ANXA7: variants seen among roughly 807,000 people sequenced by gnomAD.
ANXA7 encodes annexin A7.
A neutral mutation model predicts 64.9 loss-of-function variants in ANXA7; 55 were observed. The observed-to-expected ratio is 0.85, with a 90% CI of 0.68 to 1.06. The LOEUF (loss-of-function observed/expected upper bound fraction) is 1.06, where lower values mean the gene tolerates loss of function less well. Among genes scored for constraint, ANXA7 ranks in the 50% least tolerant of loss-of-function variants. ANXA7 has a pLI of 0.00. For synonymous variants in ANXA7, 200 were observed against 192.4 expected (o/e 1.04, Z -0.33); for missense variants, 548 against 582.1 (o/e 0.94, Z 0.60).
At chr10:73,413,309 GGCC>G (rs1299850750) in intron 1 of ANXA7, among the ~76,000 whole-genome samples, 2 of 152,156 alleles carry the variant, frequency 1.3e-5, no homozygotes, top group Non-Finnish European at 2.9e-5. Flanking sequence ...CAGATTAGCT[GGCC>G]ATCAGCTGGC....
At chr10:73,405,240 C>CA (rs796132395) in intron 1 of ANXA7, among the ~76,000 whole-genome samples, 838 of 71,542 alleles carry the variant, frequency 0.012, 4 homozygotes, top group African/African-American at 0.026. Flanking sequence ...AATACTGTCT[C>CA]AAAAAAAAAA....
chr10:73,383,219 C>A lies in ANXA7; in HGVS notation c.874G>T (p.Asp292Tyr), dbSNP rs2055303146. 1 of 1,613,958 alleles carries A rather than the reference C, an allele frequency of 6.2e-7. No homozygotes were observed. Among genetic ancestry groups the A allele is most frequent in the African/African-American group, 1.3e-5 (1 of 74,932 alleles). ...GRDLEKDIRSDTSGHFERLLV... is the reference protein window; with the variant it reads ...GRDLEKDIRSYTSGHFERLLV... ...AAACGTTCAAAATGTCCTGATGTAT[C>A]TGACCTAATGTCCTTTTCAAGGTCT... is the stretch of plus-strand genomic sequence containing the variant. The change falls in exon 9 of 13, where the codon GAT becomes TAT. Residue 292 changes from aspartate to tyrosine, a missense_variant. Asp to Tyr is a radical substitution (Grantham distance 160). Coordinates refer to ENST00000372921, the MANE Select transcript of ANXA7 (RefSeq NM_001156.5).
intron 5 of ANXA7, among the ~76,000 whole-genome samples, chr10:73,393,873 C>T (rs2055526446): frequency 1.3e-5 from 2 of 152,182 alleles, no homozygotes; most frequent in South Asian, 4.1e-4. Flanking sequence ...TCTAATTAAA[C>T]CAAAGAGCTT....
intron 5 of ANXA7, chr10:73,395,974 C>G (rs574638555): frequency 5.3e-6 from 5 of 950,086 alleles, no homozygotes; most frequent in Admixed American, 3.6e-5. Flanking sequence ...GAGACAAGTA[C>G]ATGAGAATCA....
chr10:73,400,654 C>T (rs1013928528), intron 2 of ANXA7, 149 bp downstream of exon 2: 1 of 492,124 alleles, frequency 2.0e-6, no homozygotes, highest in East Asian at 3.8e-5. Flanking sequence ...CTCTAGTCCC[C>T]CACACAATTG....
chr10:73,395,570 G>T (rs1015437099), intron 5 of ANXA7, among the ~76,000 whole-genome samples: 1 of 152,110 alleles, frequency 6.6e-6, no homozygotes, highest in Non-Finnish European at 1.5e-5. Context: ...GATCACCTGA[G>T]GTCAAGAGTT....
At chr10:73,379,525 A>G (rs112693690) in intron 11 of ANXA7, among the ~76,000 whole-genome samples, 441 of 152,292 alleles carry the variant, frequency 2.9e-3, no homozygotes, top group African/African-American at 9.5e-3. Flanking sequence ...TCGTGGTGAC[A>G]CTGTGAGTTC....
chr10:73,402,356 T>C (rs2055679986), intron 1 of ANXA7, among the ~76,000 whole-genome samples: 1 of 142,638 alleles, frequency 7.0e-6, no homozygotes, highest in Admixed American at 7.0e-5. Flanking sequence ...CGTACCACCA[T>C]GCCTGGTGAA....
Position 73,396,019 on chromosome 10 carries a change from G to A in ANXA7, c.435+500C>T, listed in dbSNP as rs762118234. ...GCACATATAAAGGACCTAGTGATTA[G>A]TAAACATTAGAAAACCTTACTCACT... On this transcript the variant is annotated intron_variant, in intron 5 of 12. Coordinates refer to ENST00000372921, the MANE Select transcript of ANXA7 (RefSeq NM_001156.5). 6.2e-6 allele frequency: 9 copies of A among 1,453,904 alleles called. No individual in the cohort carries two copies. The South Asian group carries it at 9.2e-5, about 15-fold the overall frequency. The allele number at this position is 1,453,904 out of a possible 1,614,324, so 90.1% of individuals were successfully genotyped here.
intron 5 of ANXA7, among the ~76,000 whole-genome samples, chr10:73,393,173 T>C (rs1219300263): frequency 1.4e-4 from 21 of 152,084 alleles, no homozygotes; most frequent in Non-Finnish European, 1.0e-4. Context: ...TCAAGGAGAA[T>C]TACAAACCAC....
At chr10:73,393,820 C>T (rs1456979040) in intron 5 of ANXA7, among the ~76,000 whole-genome samples, 1 of 152,168 alleles carries the variant, frequency 6.6e-6, no homozygotes, top group Non-Finnish European at 1.5e-5. Flanking sequence ...ATGTCTAAAA[C>T]ACCAAAAGCA....
chr10:73,412,927 A>G (rs1045833474), intron 1 of ANXA7, among the ~76,000 whole-genome samples: 17 of 151,532 alleles, frequency 1.1e-4, no homozygotes, highest in African/African-American at 4.1e-4. Flanking sequence ...ACCGTTTCTC[A>G]TTGATGGCAT....
intron 5 of ANXA7, among the ~76,000 whole-genome samples, chr10:73,390,911 C>T (rs1412118087): frequency 6.7e-6 from 1 of 148,734 alleles, no homozygotes; most frequent in African/African-American, 2.5e-5. Context: ...GTGGCTCATG[C>T]CTGTAATCCC....
At chr10:73,407,236 C>T (rs924721457) in intron 1 of ANXA7, among the ~76,000 whole-genome samples, 1 of 152,054 alleles carries the variant, frequency 6.6e-6, no homozygotes, top group Non-Finnish European at 1.5e-5. Context: ...ACTACCACAC[C>T]TGCTTAATTT....
intron 5 of ANXA7, chr10:73,395,935 G>C: frequency 2.6e-6 from 2 of 761,944 alleles, no homozygotes; most frequent in Admixed American, 1.9e-5. Flanking sequence ...AGATAAAATA[G>C]ATACAGGTGA....
chr10:73,406,429 C>T (rs2055759787), intron 1 of ANXA7, among the ~76,000 whole-genome samples: 1 of 152,240 alleles, frequency 6.6e-6, no homozygotes, highest in Non-Finnish European at 1.5e-5. Context: ...GACACTGTCA[C>T]TAGCTAAACT....
chr10:73,406,776 GC>G (rs2055764218), intron 1 of ANXA7, among the ~76,000 whole-genome samples: 1 of 151,982 alleles, frequency 6.6e-6, no homozygotes, highest in Non-Finnish European at 1.5e-5. Context: ...TCGCCATGCT[GC>G]CCAGGCTGGT....
At chr10:73,380,287 T>A in intron 9 of ANXA7, 86 bp from the exon 10 acceptor site, 2 of 1,342,130 alleles carry the variant, frequency 1.5e-6, no homozygotes, top group Non-Finnish European at 2.0e-6. Context: ...CTTTTGGATT[T>A]AAAGAGACTA....
intron 5 of ANXA7, among the ~76,000 whole-genome samples, chr10:73,392,811 T>C (rs1355082134): frequency 1.3e-5 from 2 of 152,170 alleles, no homozygotes; most frequent in Non-Finnish European, 2.9e-5. Context: ...ATGCCCTCTC[T>C]CACCACTCCT....
Sources: gnomAD v4.1 joint callset for allele counts (sites outside exome capture counted in the v4.1 genomes callset) on GRCh38, gnomAD v4.1.1 for gene constraint, MANE v1.5 for transcripts, NCBI Gene and HGNC (gene_info 2026-07-23, HGNC 2026-07-21) for gene names.